EML6: variants seen among roughly 807,000 people sequenced by gnomAD.
EML6 encodes EMAP like 6.
Under a neutral mutation model 240.1 loss-of-function variants are expected in EML6, and 154 were observed. The observed-to-expected ratio is 0.64, with a 90% CI of 0.56 to 0.73. EML6 has a LOEUF of 0.73. Ranked by LOEUF, EML6 falls within the 30% of genes least tolerant of loss-of-function variation. The probability of loss-of-function intolerance (pLI) is 0.00; values close to 1 mark genes in which losing one functional copy is unlikely to be tolerated. For missense variants in EML6, 2,964 were observed against 2,474.6 expected, an observed-to-expected ratio of 1.20 and a Z score of -4.20; for synonymous variants, 1,148 against 899.0, an observed-to-expected ratio of 1.28 and a Z score of -4.95.
At chr2:54,958,051 G>C (rs988240009) in intron 33 of EML6, 53 bp downstream of exon 33, 2 of 1,434,930 alleles carry the variant, frequency 1.4e-6, no homozygotes, top group African/African-American at 2.9e-5. Flanking sequence ...CCTGGGCATG[G>C]GCATGGGCAT....
Position 54,844,135 on chromosome 2 carries a change from G to T in EML6, c.936G>T (p.Glu312Asp). The T allele has an allele frequency of 6.4e-7, 1 of 1,551,704 alleles. No homozygotes were observed. Among genetic ancestry groups the T allele is most frequent in the Non-Finnish European group, 8.7e-7 (1 of 1,147,000 alleles). ...AGATATTTGAAGTGATTGTGCGAGA[G>T]CGAGACAAGCCGATGTTGATCCTAC... ...DSEIFEVIVRERDKPMLILQG... is the reference protein window; with the variant it reads ...DSEIFEVIVRDRDKPMLILQG... The change falls in exon 8 of 42, where the codon GAG becomes GAT. Residue 312 changes from glutamate (E) to aspartate (D), a missense_variant. Glu to Asp is a conservative substitution (Grantham distance 45, BLOSUM62 2). Coordinates refer to ENST00000356458, the MANE Select transcript of EML6 (RefSeq NM_001039753.4).
At chr2:54,898,990 C>G (rs558504115) in intron 21 of EML6, among the ~76,000 whole-genome samples, 1 of 152,192 alleles carries the variant, frequency 6.6e-6, no homozygotes, top group African/African-American at 2.4e-5. Flanking sequence ...TGGTCCAGTG[C>G]TTATTAAGCA....
At chr2:54,849,548 G>C (rs1669956801) in intron 9 of EML6, among the ~76,000 whole-genome samples, 1 of 152,190 alleles carries the variant, frequency 6.6e-6, no homozygotes, top group Non-Finnish European at 1.5e-5. Flanking sequence ...GAGTGCAGTG[G>C]TGCCATCTTG....
chr2:54,894,884 T>C (rs551872416), intron 19 of EML6, 31 bp from the exon 20 acceptor site: 2 of 1,471,652 alleles, frequency 1.4e-6, no homozygotes, highest in Non-Finnish European at 1.9e-6. Flanking sequence ...TTTTGATGTG[T>C]ATATAATACC....
chr2:54,940,259 T>C (rs747263587), intron 28 of EML6, among the ~76,000 whole-genome samples: 13 of 152,208 alleles, frequency 8.5e-5, no homozygotes, highest in Non-Finnish European at 5.9e-5. Context: ...TCATTCTTTC[T>C]GAGTTGATTT....
intron 7 of EML6, among the ~76,000 whole-genome samples, chr2:54,831,988 T>A (rs903577269): frequency 1.3e-5 from 2 of 152,236 alleles, no homozygotes; most frequent in African/African-American, 4.8e-5. Context: ...ATTTGTGACA[T>A]GAGTTTAATA....
At chr2:54,785,158 C>A (rs971053174) in intron 2 of EML6, among the ~76,000 whole-genome samples, 1 of 148,116 alleles carries the variant, frequency 6.8e-6, no homozygotes, top group Admixed American at 7.0e-5. Context: ...TTTCCACCCC[C>A]CCACACACAC....
intron 13 of EML6, among the ~76,000 whole-genome samples, chr2:54,865,594 C>T (rs1263873328): frequency 1.3e-5 from 2 of 152,218 alleles, no homozygotes; most frequent in Admixed American, 6.5e-5. Context: ...TGGTTTGATG[C>T]TCAAAGGAAA....
intron 15 of EML6, among the ~76,000 whole-genome samples, chr2:54,870,185 C>T (rs528398197): frequency 6.6e-6 from 1 of 152,236 alleles, no homozygotes; most frequent in East Asian, 1.9e-4. Flanking sequence ...TCCTGAGACT[C>T]GACCTGCAGG....
At chr2:54,761,037 G>A (rs1000147776) in intron 2 of EML6, among the ~76,000 whole-genome samples, 2 of 151,982 alleles carry the variant, frequency 1.3e-5, no homozygotes, top group African/African-American at 4.8e-5. Context: ...TAATCCCAAG[G>A]CATTTGAGAA....
intron 26 of EML6, among the ~76,000 whole-genome samples, chr2:54,919,655 A>T (rs974093056): frequency 2.6e-5 from 4 of 152,206 alleles, no homozygotes; most frequent in African/African-American, 9.7e-5. Context: ...TGCTAGCAGT[A>T]CAAGGCAAAA....
Position 54,892,508 on chromosome 2 carries a change from C to G in EML6, c.2594C>G (p.Thr865Arg). 2 of 1,551,408 alleles carry G rather than the reference C, an allele frequency of 1.3e-6. No individual in the cohort carries two copies. The highest frequency in any genetic ancestry group is 1.2e-5 in the South Asian group (1 of 84,050). The change falls in exon 19 of 42, where the codon ACA becomes AGA. Residue 865 changes from threonine to arginine, a missense_variant. Coordinates refer to ENST00000356458, the MANE Select transcript of EML6 (RefSeq NM_001039753.4). ...TTTGGAAGCGTTGGAAAATTGGAAA[C>G]AATGATGTGTGTTTCTTACGGACGA... The part of the protein sequence containing the change: ...GTFGSVGKLE[T>R]MMCVSYGRME...
chr2:54,792,459 T>C (rs1437388738), intron 2 of EML6, among the ~76,000 whole-genome samples: 2 of 152,238 alleles, frequency 1.3e-5, no homozygotes, highest in African/African-American at 2.4e-5. Context: ...CCTAGATATC[T>C]GACCAAGTGG....
At chr2:54,969,662 C>G (rs1283390055) in intron 41 of EML6, among the ~76,000 whole-genome samples, 1 of 152,188 alleles carries the variant, frequency 6.6e-6, no homozygotes. Flanking sequence ...GTGGCCTTAA[C>G]CGTGCAGGGC....
At position 54,829,464 on chromosome 2, in the gene EML6, A is replaced by G; in HGVS notation, c.834A>G (p.Glu278=). 6.4e-7 allele frequency: 1 copy of G among 1,551,572 alleles called. No homozygotes were observed. The highest frequency in any genetic ancestry group is 8.7e-7 in the Non-Finnish European group (1 of 1,146,526). ...CCAAAATTGATCTCAGGGAGACAGA[A>G]CAAGGATACAAAGGTAATATATGTG... ...PITKIDLRET[E]QGYKGLSIRS... is the part of the protein sequence containing the mutation. The change falls in exon 7 of 42, where the codon GAA becomes GAG. Residue 278 remains glutamate, a synonymous_variant. Coordinates refer to ENST00000356458, the MANE Select transcript of EML6 (RefSeq NM_001039753.4).
At chr2:54,879,889 G>C (rs1262173446) in intron 17 of EML6, 2 of 488,966 alleles carry the variant, frequency 4.1e-6, no homozygotes, top group African/African-American at 3.9e-5. Flanking sequence ...GCTTCATTTT[G>C]AGTGGTCTGT....
At chr2:54,872,849 C>G (rs1461334207) in intron 16 of EML6, among the ~76,000 whole-genome samples, 3 of 152,160 alleles carry the variant, frequency 2.0e-5, no homozygotes, top group African/African-American at 7.2e-5. Context: ...GAGAAATAAC[C>G]TGTCCTTTTT....
At chr2:54,781,605 A>C (rs1668860815) in intron 2 of EML6, among the ~76,000 whole-genome samples, 1 of 152,220 alleles carries the variant, frequency 6.6e-6, no homozygotes, top group African/African-American at 2.4e-5. Flanking sequence ...CTAATACTAA[A>C]AAACATACAA....
intron 26 of EML6, among the ~76,000 whole-genome samples, chr2:54,922,687 A>C (rs1178932410): frequency 6.6e-6 from 1 of 152,236 alleles, no homozygotes; most frequent in Non-Finnish European, 1.5e-5. Context: ...TTGTGTATAT[A>C]TACATATACA....
Sources: allele counts gnomAD v4.1 joint callset (sites outside exome capture counted in the v4.1 genomes callset), GRCh38; gene constraint gnomAD v4.1.1; transcripts MANE v1.5; gene names NCBI Gene and HGNC (gene_info 2026-07-23, HGNC 2026-07-21).